Variants in XKR9 observed in about 807,000 individuals in gnomAD.
The protein encoded by XKR9 is XK related 9.
XKR9 carries 32 observed loss-of-function variants against 32.0 expected under a neutral mutation model. That is an observed-to-expected ratio of 1.00 (90% confidence interval 0.76 to 1.34). XKR9 has a LOEUF of 1.34. Ranked by LOEUF, XKR9 falls within the 40% of genes most tolerant of loss-of-function variation. The pLI is 0.00. For synonymous variants in XKR9, 168 were observed against 143.4 expected (o/e 1.17, Z -1.22); for missense variants, 546 against 429.7 (o/e 1.27, Z -2.39).
chr8:70,936,526 C>T, the XKR9 span, among the ~76,000 whole-genome samples: 6 of 151,978 alleles, frequency 3.9e-5, no homozygotes, highest in Admixed American at 6.6e-5. Flanking sequence ...GTGAATTTAC[C>T]GGACACATTT....
chr8:70,847,752 C>G, the XKR9 span, among the ~76,000 whole-genome samples: 1 of 151,882 alleles, frequency 6.6e-6, no homozygotes, highest in African/African-American at 2.4e-5. Flanking sequence ...ATACATTCAA[C>G]CTACCAAGAT....
At chr8:70,934,825 A>T in the XKR9 span, among the ~76,000 whole-genome samples, 1 of 151,912 alleles carries the variant, frequency 6.6e-6, no homozygotes, top group African/African-American at 2.4e-5. Flanking sequence ...CCCCAAAATT[A>T]AGAGCTCATT....
At chr8:71,043,983 A>G in the XKR9 span, among the ~76,000 whole-genome samples, 1 of 152,226 alleles carries the variant, frequency 6.6e-6, no homozygotes, top group Admixed American at 6.5e-5. Flanking sequence ...AATTTTAACT[A>G]TCTGATTCCA....
At chr8:70,850,471 AAAAAAAAAAAAAAG>A in the XKR9 span, among the ~76,000 whole-genome samples, 2 of 144,740 alleles carry the variant, frequency 1.4e-5, no homozygotes, top group Non-Finnish European at 3.1e-5. Flanking sequence ...CTCAAAAAAA[AAAAAAAAAAAAAAG>A]AAAGAAAATT....
chr8:70,857,004 G>T, the XKR9 span, among the ~76,000 whole-genome samples: 2 of 152,136 alleles, frequency 1.3e-5, no homozygotes, highest in African/African-American at 2.4e-5. Flanking sequence ...AGCACTAAAT[G>T]CCCACAAGAG....
intron 4 of XKR9, among the ~76,000 whole-genome samples, chr8:70,718,699 A>G (rs1376112512): frequency 6.6e-6 from 1 of 152,048 alleles, no homozygotes; most frequent in African/African-American, 2.4e-5. Flanking sequence ...TATGGGCCAC[A>G]TTTTCTTTAT....
the XKR9 span, among the ~76,000 whole-genome samples, chr8:70,844,676 C>T: frequency 6.6e-6 from 1 of 152,218 alleles, no homozygotes; most frequent in Admixed American, 6.5e-5. Flanking sequence ...CCATCCTGTT[C>T]ACCACCGTCA....
chr8:70,736,958 T>C (rs1216922721), downstream of XKR9, among the ~76,000 whole-genome samples: 1 of 152,142 alleles, frequency 6.6e-6, no homozygotes, highest in Admixed American at 6.5e-5. Context: ...CGGGCTCTTT[T>C]TTGGTTCCAT....
the XKR9 span, among the ~76,000 whole-genome samples, chr8:70,824,590 T>C: frequency 7.9e-5 from 12 of 152,100 alleles, no homozygotes; most frequent in Non-Finnish European, 1.2e-4. Context: ...AAGAAGATCA[T>C]ATCTTCTTGC....
chr8:70,753,136 C>T (rs111252493), intron 2 of XKR9, among the ~76,000 whole-genome samples: 10,643 of 152,116 alleles, frequency 0.07, 153 homozygotes, highest in Non-Finnish European at 0.085. Context: ...ACTACAAACA[C>T]CTCTACACAA....
Position 70,669,548 on chromosome 8 carries a change from C to T in XKR9, c.-361+10C>T, listed in dbSNP as rs1228583724. The T allele has an allele frequency of 9.7e-6, 2 of 205,482 alleles. No individual in the cohort carries two copies. Among genetic ancestry groups the T allele is most frequent in the Non-Finnish European group, 2.0e-5 (2 of 100,720 alleles). The allele number at this position is 205,482 out of a possible 1,614,324, so 12.7% of individuals were successfully genotyped here. A position where few individuals can be genotyped will look rare whatever the true frequency, so the allele number is the denominator to read the frequency against. On this transcript the variant is annotated intron_variant, in intron 1 of 4. Coordinates refer to ENST00000408926, the MANE Select transcript of XKR9 (RefSeq NM_001011720.2). ...GTGATTTGGGAGACAGGTTTGGTAA[C>T]CGTTCGTTATTCAGTAATAAATGTC... is the stretch of plus-strand genomic sequence containing the variant.
chr8:70,752,193 TG>T (rs1340181193), intron 2 of XKR9, among the ~76,000 whole-genome samples: 2 of 152,242 alleles, frequency 1.3e-5, no homozygotes, highest in African/African-American at 4.8e-5. Flanking sequence ...TTCATATGAA[TG>T]GAATCATATA....
At chr8:70,757,255 A>G (rs1807240015) in intron 2 of XKR9, among the ~76,000 whole-genome samples, 1 of 151,986 alleles carries the variant, frequency 6.6e-6, no homozygotes, top group African/African-American at 2.4e-5. Flanking sequence ...ATGTTGGTGC[A>G]TTTAATGGTG....
chr8:70,950,243 T>G, the XKR9 span, among the ~76,000 whole-genome samples: 1 of 152,172 alleles, frequency 6.6e-6, no homozygotes, highest in Non-Finnish European at 1.5e-5. Flanking sequence ...CAATCGAATT[T>G]TACACAGTTG....
At chr8:70,984,300 C>T in the XKR9 span, among the ~76,000 whole-genome samples, 104 of 152,328 alleles carry the variant, frequency 6.8e-4, 2 homozygotes, top group Non-Finnish European at 9.8e-4. Context: ...GGGAATTTCC[C>T]TGGCCTGGAC....
At chr8:71,055,667 T>C in the XKR9 span, among the ~76,000 whole-genome samples, 2 of 152,286 alleles carry the variant, frequency 1.3e-5, no homozygotes, top group Admixed American at 6.5e-5. Context: ...CTCCCCGACA[T>C]TGATGCATTT....
At chr8:70,890,477 A>G in the XKR9 span, among the ~76,000 whole-genome samples, 5 of 151,708 alleles carry the variant, frequency 3.3e-5, no homozygotes, top group Non-Finnish European at 5.9e-5. Context: ...GCTGAGATAC[A>G]CTCCTCCTAT....
Position 70,734,702 on chromosome 8 carries a change from G to C in XKR9, c.*278G>C, listed in dbSNP as rs541227946. On this transcript the variant is annotated 3_prime_UTR_variant, in exon 5 of 5. Coordinates refer to ENST00000408926, the MANE Select transcript of XKR9 (RefSeq NM_001011720.2). ...TCTGGTTTTCATAATGAGAAGGCTGGAATTGAGCTTCCCTCCCATTTTCCT... is the reference window on the plus strand; with the variant it reads ...TCTGGTTTTCATAATGAGAAGGCTGCAATTGAGCTTCCCTCCCATTTTCCT... 1 of 228,574 alleles carries C rather than the reference G, an allele frequency of 4.4e-6. No homozygotes were observed. Among genetic ancestry groups the C allele is most frequent in the Non-Finnish European group, 8.2e-6 (1 of 121,760 alleles). 14.2% of individuals were successfully genotyped at this position (228,574 alleles called of 1,614,324 possible).
At chr8:71,049,121 T>G in the XKR9 span, among the ~76,000 whole-genome samples, 1 of 152,178 alleles carries the variant, frequency 6.6e-6, no homozygotes, top group South Asian at 2.1e-4. Context: ...TATTTTTGAG[T>G]GGTGCCATTT....
Sources: gnomAD v4.1 joint callset for allele counts (sites outside exome capture counted in the v4.1 genomes callset) on GRCh38, gnomAD v4.1.1 for gene constraint, MANE v1.5 for transcripts, NCBI Gene and HGNC (gene_info 2026-07-23, HGNC 2026-07-21) for gene names.